The following APBA2 variants were observed in gnomAD, a reference collection of about 807,000 sequenced individuals.
The protein encoded by APBA2 is amyloid beta precursor protein binding family A member 2.
In APBA2, 30 loss-of-function variants were observed where a neutral mutation model predicts 75.0. The ratio of observed to expected loss-of-function variants is 0.40; its 90% CI spans 0.30 to 0.54. The LOEUF (loss-of-function observed/expected upper bound fraction) is 0.54, where lower values mean the gene tolerates loss of function less well. APBA2 is among the 20% of genes least tolerant of loss of function. The pLI is 0.49. For synonymous variants in APBA2, 444 were observed against 409.6 expected (o/e 1.08, Z -1.01); for missense variants, 801 against 1,016.1 (o/e 0.79, Z 2.88).
intron 14 of APBA2, among the ~76,000 whole-genome samples, chr15:29,116,627 CAAAA>C (rs531479741): frequency 2.6e-5 from 3 of 116,726 alleles, no homozygotes; most frequent in Admixed American, 1.8e-4. Context: ...GACTCCGTCT[CAAAA>C]AAAAAAAAAA....
chr15:29,038,315 T>C (rs1354065528), intron 3 of APBA2, among the ~76,000 whole-genome samples: 1 of 152,206 alleles, frequency 6.6e-6, no homozygotes, highest in African/African-American at 2.4e-5. Flanking sequence ...AAGTGACCTA[T>C]CTTCCGAGGG....
Position 28,918,579 on chromosome 15 carries a change from G to A in APBA2, c.-204-3061G>A, listed in dbSNP as rs774617489. On this transcript the variant is annotated intron_variant, in intron 1 of 14. Coordinates refer to ENST00000683413, the MANE Select transcript of APBA2 (RefSeq NM_001353788.2). The surrounding 1 kb of genome is among the most constrained non-coding windows in gnomAD (Gnocchi z 4.2). ...CGCGTCATTGTGGGAACACTCGGGCGGGATGTATTTTAAAGGAGTGCCTGA... is the reference window on the plus strand; with the variant it reads ...CGCGTCATTGTGGGAACACTCGGGCAGGATGTATTTTAAAGGAGTGCCTGA... 2.0e-5 allele frequency among the ~76,000 whole-genome samples: 3 copies of A among 148,198 alleles called. No homozygotes were observed. The highest frequency in any genetic ancestry group is 4.9e-5 in the African/African-American group (2 of 40,662).
At chr15:28,945,109 GA>G (rs1171423198) in intron 2 of APBA2, among the ~76,000 whole-genome samples, 2 of 152,234 alleles carry the variant, frequency 1.3e-5, no homozygotes, top group Non-Finnish European at 2.9e-5. Flanking sequence ...AGCATGCGGA[GA>G]TCCACCTGGC....
intron 1 of APBA2, among the ~76,000 whole-genome samples, chr15:28,912,301 A>G (rs2033465848): frequency 6.6e-6 from 1 of 152,212 alleles, no homozygotes. Flanking sequence ...TTCTGGGAAT[A>G]TACTATGGAT....
intron 8 of APBA2, among the ~76,000 whole-genome samples, chr15:29,097,636 G>A (rs2043915367): frequency 6.6e-6 from 1 of 152,194 alleles, no homozygotes; most frequent in Non-Finnish European, 1.5e-5. Flanking sequence ...TAATTAACGT[G>A]CATTACATCA....
chr15:28,895,640 C>CA (rs1242319916), intron 1 of APBA2: 1 of 152,358 alleles, frequency 6.6e-6, no homozygotes, highest in East Asian at 1.9e-4. Context: ...GGGCTGCAGT[C>CA]AGTCTGTTTT....
intron 4 of APBA2, among the ~76,000 whole-genome samples, chr15:29,069,373 ACT>A (rs1391221965): frequency 1.3e-5 from 2 of 152,226 alleles, no homozygotes; most frequent in Non-Finnish European, 2.9e-5. Flanking sequence ...TGGGTGTATC[ACT>A]AGGAGTGGAA....
Position 28,931,125 on chromosome 15 carries a change from C to T in APBA2, c.-95+9376C>T, listed in dbSNP as rs1400056772. 3.9e-5 allele frequency among the ~76,000 whole-genome samples: 6 copies of T among 152,220 alleles called. No homozygotes were observed. The East Asian group carries it at 9.6e-4, about 24-fold the overall frequency. On this transcript the variant is annotated intron_variant, in intron 2 of 14. Transcript: ENST00000683413. Reference sequence around the variant, plus strand: ...CCCCTCCATGAGGCACAGCCCTTCACGGAAAGTCCCTGCTCCTCTTCTGGT... The same window carrying T: ...CCCCTCCATGAGGCACAGCCCTTCATGGAAAGTCCCTGCTCCTCTTCTGGT...
intron 3 of APBA2, among the ~76,000 whole-genome samples, chr15:29,002,029 A>G (rs1190639261): frequency 6.6e-6 from 1 of 152,216 alleles, no homozygotes; most frequent in African/African-American, 2.4e-5. Context: ...CTTGAATATA[A>G]TAGTCCCCGG....
chr15:28,928,741 C>T lies in APBA2; in HGVS notation c.-95+6992C>T, dbSNP rs952563864. Among the ~76,000 whole-genome samples, 4 of 152,306 alleles carry T rather than the reference C, an allele frequency of 2.6e-5. No homozygotes were observed. The East Asian group carries it at 5.8e-4, about 22-fold the overall frequency. The stretch of plus-strand genomic sequence containing the variant: ...CACCAGGATGACGTTTGTCCTCCCT[C>T]TGCCAGAGTCACCAGGAGATGTCTC... On this transcript the variant is annotated intron_variant, in intron 2 of 14. Coordinates refer to ENST00000683413, the MANE Select transcript of APBA2 (RefSeq NM_001353788.2).
chr15:28,899,066 G>A (rs2032684314), intron 1 of APBA2, among the ~76,000 whole-genome samples: 1 of 152,268 alleles, frequency 6.6e-6, no homozygotes, highest in Admixed American at 6.5e-5. Context: ...TGTGGTTGCA[G>A]TTGAGAGGGA....
chr15:28,974,921 G>C (rs1356156745), intron 2 of APBA2, among the ~76,000 whole-genome samples: 1 of 151,936 alleles, frequency 6.6e-6, no homozygotes, highest in Non-Finnish European at 1.5e-5. Context: ...TGAGTTTTAG[G>C]AATGAGAAAA....
intron 1 of APBA2, among the ~76,000 whole-genome samples, chr15:28,913,727 G>A (rs1260986422): frequency 1.3e-5 from 2 of 152,222 alleles, no homozygotes; most frequent in African/African-American, 2.4e-5. Flanking sequence ...ACCGTCTTTA[G>A]AACGTTAGCA....
At chr15:29,083,655 C>A (rs546158881) in intron 6 of APBA2, among the ~76,000 whole-genome samples, 6 of 152,014 alleles carry the variant, frequency 3.9e-5, no homozygotes, top group Admixed American at 3.3e-4. Context: ...CTCATCCTCC[C>A]GAGTAGCTGG....
intron 6 of APBA2, among the ~76,000 whole-genome samples, chr15:29,086,619 AAC>A (rs1274714488): frequency 2.0e-5 from 3 of 152,214 alleles, no homozygotes; most frequent in African/African-American, 7.2e-5. Flanking sequence ...AACAATACCA[AAC>A]ACTGCCAAGG....
At chr15:29,017,902 T>G (rs1036551265) in intron 3 of APBA2, among the ~76,000 whole-genome samples, 5 of 152,242 alleles carry the variant, frequency 3.3e-5, no homozygotes, top group African/African-American at 1.2e-4. Flanking sequence ...TACTTCTGTT[T>G]CCTTCACTAT....
chr15:28,906,686 A>C (rs1193507593), intron 1 of APBA2, among the ~76,000 whole-genome samples: 1 of 152,188 alleles, frequency 6.6e-6, no homozygotes, highest in East Asian at 1.9e-4. Flanking sequence ...TTGTGGTTTC[A>C]TTCAGTCATG....
chr15:28,915,068 CCCCATAT>C (rs2033605751), intron 1 of APBA2, among the ~76,000 whole-genome samples: 3 of 132,698 alleles, frequency 2.3e-5, no homozygotes, highest in Admixed American at 7.6e-5. Context: ...CACACACATA[CCCCATAT>C]ACACCACACA....
intron 6 of APBA2, among the ~76,000 whole-genome samples, chr15:29,091,919 G>A (rs1408194236): frequency 6.6e-6 from 1 of 152,178 alleles, no homozygotes; most frequent in Non-Finnish European, 1.5e-5. Context: ...AGGGGAGCCA[G>A]GAAGCCAGGG....
Sources: allele counts gnomAD v4.1 joint callset (sites outside exome capture counted in the v4.1 genomes callset), GRCh38; gene constraint gnomAD v4.1.1; non-coding constraint Gnocchi (gnomAD v3.1); transcripts MANE v1.5; gene names NCBI Gene and HGNC (gene_info 2026-07-23, HGNC 2026-07-21).